The following CNBD1 variants were observed in gnomAD, a reference collection of about 807,000 sequenced individuals.
CNBD1 encodes the protein cyclic nucleotide-binding domain-containing protein 1.
Under a neutral mutation model 54.4 loss-of-function variants are expected in CNBD1, and 71 were observed. That is an observed-to-expected ratio of 1.30 (90% CI 1.08 to 1.59). The LOEUF is 1.59. CNBD1 is among the 40% of genes most tolerant of loss of function. CNBD1 has a pLI of 0.00. For synonymous variants in CNBD1, 182 were observed against 170.7 expected (o/e 1.07, Z -0.51); for missense variants, 659 against 518.0 (o/e 1.27, Z -2.64).
At chr8:87,404,000 G>A (rs1042342019) in intron 2 of CNBD1, among the ~76,000 whole-genome samples, 3 of 152,020 alleles carry the variant, frequency 2.0e-5, no homozygotes, top group Non-Finnish European at 2.9e-5. Flanking sequence ...CACTTCAGAT[G>A]TCCAGATCAA....
chr8:87,344,275 A>G (rs1810125380), intron 8 of CNBD1, among the ~76,000 whole-genome samples: 1 of 152,092 alleles, frequency 6.6e-6, no homozygotes. Flanking sequence ...ATACAAAATA[A>G]TGAGATTAAG....
chr8:86,897,786 A>C (rs1231490079), intron 2 of CNBD1, among the ~76,000 whole-genome samples: 1 of 152,212 alleles, frequency 6.6e-6, no homozygotes, highest in African/African-American at 2.4e-5. Context: ...CAGACTCAAC[A>C]TTCCAGAACG....
At chr8:87,425,080 A>G (rs1297565882) in intron 2 of CNBD1, among the ~76,000 whole-genome samples, 1 of 151,448 alleles carries the variant, frequency 6.6e-6, no homozygotes, top group Non-Finnish European at 1.5e-5. Flanking sequence ...TTCATCTTCC[A>G]TTGCTGATAC....
chr8:87,426,308 C>G (rs531408273), intron 2 of CNBD1, among the ~76,000 whole-genome samples: 1 of 152,166 alleles, frequency 6.6e-6, no homozygotes, highest in African/African-American at 2.4e-5. Flanking sequence ...AGCTGTAGAC[C>G]GGAGCTGTTC....
chr8:86,939,170 A>G (rs927824868), intron 3 of CNBD1, among the ~76,000 whole-genome samples: 3 of 152,156 alleles, frequency 2.0e-5, no homozygotes, highest in Non-Finnish European at 4.4e-5. Context: ...CAAGATGTTT[A>G]TAGATTACCA....
intron 2 of CNBD1, among the ~76,000 whole-genome samples, chr8:87,393,712 A>G (rs1811356190): frequency 1.3e-5 from 2 of 151,908 alleles, no homozygotes; most frequent in African/African-American, 4.8e-5. Flanking sequence ...TTAAAATCTT[A>G]AGAACTATGC....
At chr8:87,402,817 C>T (rs1036133965) in intron 2 of CNBD1, among the ~76,000 whole-genome samples, 2 of 151,922 alleles carry the variant, frequency 1.3e-5, no homozygotes, top group Non-Finnish European at 2.9e-5. Context: ...AAAATGAGAG[C>T]AGAAAATAGA....
At chr8:86,877,502 T>A (rs1808538414) in intron 1 of CNBD1, among the ~76,000 whole-genome samples, 1 of 152,172 alleles carries the variant, frequency 6.6e-6, no homozygotes, top group Admixed American at 6.5e-5. Flanking sequence ...GTTGCCCTAC[T>A]CTTTGCCAGG....
At chr8:87,139,503 C>T (rs1812329186) in intron 4 of CNBD1, among the ~76,000 whole-genome samples, 1 of 152,106 alleles carries the variant, frequency 6.6e-6, no homozygotes, top group Non-Finnish European at 1.5e-5. Flanking sequence ...GCCATGTGAT[C>T]AAGGTTTGAT....
chr8:87,333,235 T>C (rs936540145), intron 8 of CNBD1, among the ~76,000 whole-genome samples: 7 of 152,224 alleles, frequency 4.6e-5, no homozygotes, highest in African/African-American at 1.2e-4. Flanking sequence ...ATCCTGAGAC[T>C]TTGCTGAAGT....
chr8:87,416,478 G>A (rs1363418665), intron 2 of CNBD1, among the ~76,000 whole-genome samples: 3 of 152,026 alleles, frequency 2.0e-5, no homozygotes, highest in Non-Finnish European at 2.9e-5. Flanking sequence ...CTCTGGGGAA[G>A]CCTTGAAAAA....
rs554415655 is a variant in CNBD1 at position 87,353,669 on chromosome 8, C to G, written c.1186C>G (p.Leu396Val). ...TCAAAAACTTGTTTATATGGGGAAA[C>G]TTAAGGAGAAGGAGTCCTTTGGTGA... ...RSQKLVYMGKLKEKESFGEIS... is the reference protein window; with the variant it reads ...RSQKLVYMGKVKEKESFGEIS... The change falls in exon 10 of 11, where the codon CTT becomes GTT. Residue 396 changes from leucine (L) to valine (V), a missense_variant. Transcript: ENST00000518476. The G allele has an allele frequency of 4.7e-5, 75 of 1,600,870 alleles. No individual in the cohort carries two copies. The Admixed American group carries it at 1.3e-3, about 28-fold the overall frequency.
At chr8:87,056,649 A>G (rs1224198901) in intron 4 of CNBD1, among the ~76,000 whole-genome samples, 1 of 152,136 alleles carries the variant, frequency 6.6e-6, no homozygotes, top group African/African-American at 2.4e-5. Context: ...TCCCTCAACT[A>G]GAATATATGT....
chr8:87,152,723 C>T (rs1812633364), intron 4 of CNBD1, among the ~76,000 whole-genome samples: 1 of 151,996 alleles, frequency 6.6e-6, no homozygotes, highest in Non-Finnish European at 1.5e-5. Flanking sequence ...AGTGGGATTT[C>T]TATTATTTTT....
chr8:87,235,506 C>T (rs1408541345), intron 5 of CNBD1, among the ~76,000 whole-genome samples: 1 of 151,982 alleles, frequency 6.6e-6, no homozygotes, highest in Non-Finnish European at 1.5e-5. Context: ...AGTAGAAAGG[C>T]CTGAGGACAG....
intron 4 of CNBD1, among the ~76,000 whole-genome samples, chr8:87,126,355 A>G (rs1811989120): frequency 6.6e-6 from 1 of 151,962 alleles, no homozygotes; most frequent in Non-Finnish European, 1.5e-5. Flanking sequence ...CATTCTTGTG[A>G]TATCCCTTTG....
At chr8:87,133,739 T>C (rs1343800470) in intron 4 of CNBD1, among the ~76,000 whole-genome samples, 1 of 143,894 alleles carries the variant, frequency 6.9e-6, no homozygotes, top group Non-Finnish European at 1.6e-5. Context: ...GGATTTAAAA[T>C]TTTTTTTATG....
chr8:87,388,398 A>G lies in CNBD1; in HGVS notation c.213+34612A>G, dbSNP rs1011895639. Among the ~76,000 whole-genome samples the G allele has an allele frequency of 9.2e-5, 14 of 152,162 alleles. 1 individual carries two copies. Among genetic ancestry groups the G allele is most frequent in the Non-Finnish European group, 1.5e-4 (10 of 68,028 alleles). ...AAAAGAGAAGAATCAAATAGACACAATAAAAAATGATAAAGGGGATATCAC... is the reference window on the plus strand; with the variant it reads ...AAAAGAGAAGAATCAAATAGACACAGTAAAAAATGATAAAGGGGATATCAC... On this transcript the variant is annotated intron_variant, in intron 2 of 7. Coordinates refer to the CNBD1 transcript ENST00000521593.
chr8:87,192,699 G>T (rs1054506738), intron 4 of CNBD1, among the ~76,000 whole-genome samples: 1 of 152,190 alleles, frequency 6.6e-6, no homozygotes, highest in African/African-American at 2.4e-5. Context: ...TGGATTCCCT[G>T]TAATTTCACA....
Sources: allele counts gnomAD v4.1 joint callset (sites outside exome capture counted in the v4.1 genomes callset), GRCh38; gene constraint gnomAD v4.1.1; transcripts MANE v1.5; gene names NCBI Gene and HGNC (gene_info 2026-07-23, HGNC 2026-07-21).